The following SFMBT2 variants were observed in gnomAD, a reference collection of about 807,000 sequenced individuals.
SFMBT2 encodes the protein scm-like with four MBT domains protein 2.
In SFMBT2, 38 loss-of-function variants were observed where a neutral mutation model predicts 110.1. That is an observed-to-expected ratio of 0.35 (90% CI 0.27 to 0.45). The LOEUF (loss-of-function observed/expected upper bound fraction) is 0.45, where lower values mean the gene tolerates loss of function less well. Ranked by LOEUF, SFMBT2 falls within the 20% of genes least tolerant of loss-of-function variation. The pLI, the probability that SFMBT2 is intolerant of heterozygous loss-of-function variation, is 1.00. For synonymous variants in SFMBT2, 425 were observed against 425.4 expected, an observed-to-expected ratio of 1.00 and a Z score of 0.01; for missense variants, 1,011 against 1,094.9, an observed-to-expected ratio of 0.92 and a Z score of 1.08.
chr10:7,206,206 A>G, intron 11 of SFMBT2: 2 of 985,474 alleles, frequency 2.0e-6, no homozygotes, highest in African/African-American at 1.7e-5. Context: ...CCCTAAAAGT[A>G]AAAGAGGAAG....
rs184891548 is a variant in SFMBT2 at position 7,246,255 on chromosome 10, C to T, written c.972+2293G>A. On this transcript the variant is annotated intron_variant, in intron 8 of 20. Transcript: ENST00000397167. The stretch of plus-strand genomic sequence containing the variant: ...ATCAGTAAAAATACTTTCTCCCTCC[C>T]CTCAATAAGATCTATTTAGAGAAAA... 1.5e-5 allele frequency: 11 copies of T among 710,062 alleles called. No homozygotes were observed. In the East Asian group the frequency reaches 9.2e-4, roughly 59 times the overall value. The allele number at this position is 710,062 out of a possible 1,614,324, so 44.0% of individuals were successfully genotyped here.
At chr10:7,298,668 T>C (rs1481711725) in intron 4 of SFMBT2, among the ~76,000 whole-genome samples, 1 of 152,208 alleles carries the variant, frequency 6.6e-6, no homozygotes, top group African/African-American at 2.4e-5. Context: ...TGTATGTGCG[T>C]ATGTGCATGT....
At position 7,381,926 on chromosome 10, in the gene SFMBT2, A is replaced by C; in HGVS notation, c.-28T>G. ...CTGATGAGCAAGTGTCTCTTCTCTTAATTCATCCTGCAGAAAAAATTACCT... is the reference window on the plus strand; with the variant it reads ...CTGATGAGCAAGTGTCTCTTCTCTTCATTCATCCTGCAGAAAAAATTACCT... On this transcript the variant is annotated 5_prime_UTR_variant, in exon 2 of 21. It adds an upstream start codon to the 5' untranslated region. Transcript: ENST00000397167. The C allele has an allele frequency of 6.5e-7, 1 of 1,542,192 alleles. No homozygotes were observed. The highest frequency in any genetic ancestry group is 1.3e-5 in the South Asian group (1 of 79,064).
At chr10:7,376,507 G>T (rs1845212363) in intron 2 of SFMBT2, among the ~76,000 whole-genome samples, 1 of 151,630 alleles carries the variant, frequency 6.6e-6, no homozygotes, top group African/African-American at 2.4e-5. Flanking sequence ...AGACCATCCT[G>T]GCTGACATGG....
intron 4 of SFMBT2, among the ~76,000 whole-genome samples, chr10:7,299,730 T>G (rs754826826): frequency 6.6e-6 from 1 of 152,170 alleles, no homozygotes; most frequent in East Asian, 1.9e-4. Flanking sequence ...ATCCCATTTA[T>G]TTATATATTA....
intron 4 of SFMBT2, among the ~76,000 whole-genome samples, chr10:7,306,208 G>C (rs372134852): frequency 6.6e-6 from 1 of 152,240 alleles, no homozygotes; most frequent in Non-Finnish European, 1.5e-5. Flanking sequence ...CACACACAGA[G>C]TGCTCTCCGG....
intron 8 of SFMBT2, chr10:7,246,135 T>A (rs1042439732): frequency 1.0e-6 from 1 of 984,392 alleles, no homozygotes; most frequent in African/African-American, 1.7e-5. Flanking sequence ...ACATGGTCAA[T>A]AAGAGGAGGG....
At chr10:7,410,191 G>C (rs1846334749) in intron 1 of SFMBT2, among the ~76,000 whole-genome samples, 1 of 152,198 alleles carries the variant, frequency 6.6e-6, no homozygotes, top group Non-Finnish European at 1.5e-5. Context: ...AGAAAATAAT[G>C]AACAAAAAGA....
At chr10:7,181,819 G>A (rs1365369217) in intron 16 of SFMBT2, among the ~76,000 whole-genome samples, 1 of 152,078 alleles carries the variant, frequency 6.6e-6, no homozygotes, top group Non-Finnish European at 1.5e-5. Context: ...CGAAGATACA[G>A]CCCTATTAAA....
chr10:7,267,014 T>G (rs1370619951), intron 7 of SFMBT2, among the ~76,000 whole-genome samples: 1 of 152,226 alleles, frequency 6.6e-6, no homozygotes, highest in Non-Finnish European at 1.5e-5. Context: ...AGTGGTTTGC[T>G]GTGTCTAAAC....
At chr10:7,391,651 G>T (rs1196330679) in intron 1 of SFMBT2, among the ~76,000 whole-genome samples, 2 of 152,140 alleles carry the variant, frequency 1.3e-5, no homozygotes, top group Admixed American at 1.3e-4. Context: ...ATAAGAGATA[G>T]ACATGCTCTT....
In SFMBT2 at chr10:7,176,146, T is replaced by C. The variant is rs1213033165; in HGVS notation, c.1828A>G (p.Arg610Gly). The C allele has an allele frequency of 3.7e-6, 6 of 1,614,058 alleles. No homozygotes were observed. The highest frequency in any genetic ancestry group is 5.1e-6 in the Non-Finnish European group (6 of 1,180,036). ...GTCCGTACGATTTTGACCACAGCCC[T>C]GTATGTTTTGCCTCTGTATCTAGAA... Reference protein sequence around the residue: ...LKAKYRGKTYRAVVKIVRTSD... With the variant: ...LKAKYRGKTYGAVVKIVRTSD... The change falls in exon 17 of 21, where the codon AGG becomes GGG. Residue 610 changes from arginine to glycine, a missense_variant. This residue lies in a region of SFMBT2 where 979 missense variants were observed against 1,016.1 expected (regional missense o/e 0.96). Transcript: ENST00000397167.
chr10:7,206,559 G>T, intron 11 of SFMBT2: 2 of 985,388 alleles, frequency 2.0e-6, no homozygotes, highest in Non-Finnish European at 2.4e-6. Context: ...GTAGACTTTG[G>T]CTATGTCATA....
intron 7 of SFMBT2, among the ~76,000 whole-genome samples, chr10:7,253,964 T>C (rs553797920): frequency 8.5e-5 from 13 of 152,254 alleles, no homozygotes; most frequent in Non-Finnish European, 1.5e-4. Flanking sequence ...GCTACTCTAA[T>C]GTTTATATTA....
At chr10:7,184,119 A>G (rs1312985986) in intron 16 of SFMBT2, among the ~76,000 whole-genome samples, 1 of 152,210 alleles carries the variant, frequency 6.6e-6, no homozygotes, top group Non-Finnish European at 1.5e-5. Flanking sequence ...TGCATAGAGC[A>G]GGGTGGAGAC....
Position 7,171,109 on chromosome 10 carries a change from T to C in SFMBT2, c.2416-53A>G, listed in dbSNP as rs1463343788. 1.2e-6 allele frequency: 2 copies of C among 1,612,092 alleles called. No homozygotes were observed. The highest frequency in any genetic ancestry group is 1.1e-5 in the South Asian group (1 of 91,040). The stretch of plus-strand genomic sequence containing the variant: ...GCTGCGGCACAGTCAGCTGGCTGGG[T>C]CCTCTCCAGCACTCTCCAGGCCTCG... On this transcript the variant is annotated intron_variant, in intron 19 of 20. Coordinates refer to ENST00000397167, the MANE Select transcript of SFMBT2 (RefSeq NM_001387889.1). This position sits in a 1 kb window ranked among gnomAD's most constrained non-coding sequence, Gnocchi z 4.9.
intron 14 of SFMBT2, chr10:7,198,075 A>C (rs1490185347): frequency 8.5e-5 from 84 of 985,300 alleles, no homozygotes; most frequent in Non-Finnish European, 9.6e-5. Context: ...ATCATGCCAC[A>C]CAAGTGTGTC....
chr10:7,228,699 C>A (rs1006407172), intron 9 of SFMBT2, among the ~76,000 whole-genome samples: 173 of 132,344 alleles, frequency 1.3e-3, no homozygotes, highest in Non-Finnish European at 1.1e-3. Context: ...TTCTTTCTTT[C>A]TTTCTTTCTT....
chr10:7,401,301 T>C (rs996276336), intron 1 of SFMBT2, among the ~76,000 whole-genome samples: 4 of 152,130 alleles, frequency 2.6e-5, no homozygotes, highest in African/African-American at 9.7e-5. Context: ...ACCAAACATG[T>C]AGGATACAGA....
Sources: allele counts gnomAD v4.1 joint callset (sites outside exome capture counted in the v4.1 genomes callset), GRCh38; gene constraint gnomAD v4.1.1; regional missense constraint gnomAD v4.1.1; non-coding constraint Gnocchi (gnomAD v3.1); transcripts MANE v1.5; gene names NCBI Gene and HGNC (gene_info 2026-07-23, HGNC 2026-07-21).